ASMTL: variants seen among roughly 807,000 people sequenced by gnomAD.
ASMTL encodes the protein acetylserotonin O-methyltransferase like.
A neutral mutation model predicts 60.3 loss-of-function variants in ASMTL; 57 were observed. The observed-to-expected ratio is 0.95, with a 90% CI of 0.76 to 1.18. ASMTL has a LOEUF of 1.18. Among genes scored for constraint, ASMTL ranks in the 50% most tolerant of loss-of-function variants. ASMTL has a pLI of 0.00. For synonymous variants in ASMTL, 419 were observed against 373.0 expected (o/e 1.12, Z -1.42); for missense variants, 981 against 852.6 (o/e 1.15, Z -1.88).
intron 6 of ASMTL, among the ~76,000 whole-genome samples, chrX:1,431,073 T>G (rs1459056270): frequency 1.6e-5 from 2 of 126,368 alleles, no homozygotes; most frequent in South Asian, 2.4e-4. Flanking sequence ...TATCCATATA[T>G]TCATATATTT....
At chrX:1,449,985 C>T (rs1320384877) in intron 1 of ASMTL, among the ~76,000 whole-genome samples, 6 of 149,186 alleles carry the variant, frequency 4.0e-5, no homozygotes, top group African/African-American at 1.5e-4. Context: ...CCCTCATCAC[C>T]GGTAACTACG....
intron 12 of ASMTL, among the ~76,000 whole-genome samples, chrX:1,404,690 G>A (rs867675641): frequency 1.2e-4 from 17 of 144,734 alleles, no homozygotes; most frequent in African/African-American, 3.4e-4. Context: ...TGATGGGTAG[G>A]TAGATGAATG....
chrX:1,417,406 G>A (rs1361224945), intron 11 of ASMTL, among the ~76,000 whole-genome samples: 8 of 20,280 alleles, frequency 3.9e-4, no homozygotes, highest in Admixed American at 1.2e-3. Flanking sequence ...TTGCAGACAC[G>A]TGGACACACA....
At chrX:1,406,097 T>G (rs2089824361) in intron 12 of ASMTL, among the ~76,000 whole-genome samples, 1 of 142,730 alleles carries the variant, frequency 7.0e-6, no homozygotes, top group African/African-American at 2.6e-5. Flanking sequence ...GATGGGTGAA[T>G]AAATGGGTAG....
chrX:1,405,593 T>C (rs1342068039), intron 12 of ASMTL, among the ~76,000 whole-genome samples: 53 of 149,338 alleles, frequency 3.5e-4, no homozygotes, highest in Non-Finnish European at 6.7e-4. Flanking sequence ...GATGGGTGAA[T>C]AGATGGTAGA....
rs1225223200 is a variant in ASMTL at position 1,426,499 on chromosome X, G to A, written c.898-812C>T. On this transcript the variant is annotated intron_variant, in intron 7 of 12. Transcript: ENST00000381317. ...GCCCTGTGAGGGACCCCTGGTGTTGGGAGGGCTGCATCCCTTCTAGGCTGC... is the reference window on the plus strand; with the variant it reads ...GCCCTGTGAGGGACCCCTGGTGTTGAGAGGGCTGCATCCCTTCTAGGCTGC... Among the ~76,000 whole-genome samples the A allele has an allele frequency of 4.6e-5, 7 of 152,266 alleles. 1 individual carries two copies. Among genetic ancestry groups the A allele is most frequent in the Admixed American group, 6.5e-5 (1 of 15,300 alleles).
intron 11 of ASMTL, among the ~76,000 whole-genome samples, chrX:1,414,563 C>T (rs1479915722): frequency 2.0e-5 from 3 of 152,040 alleles, no homozygotes; most frequent in Admixed American, 1.3e-4. Flanking sequence ...CAAAAGTTAG[C>T]CAGGCGTGGT....
intron 1 of ASMTL, among the ~76,000 whole-genome samples, chrX:1,452,318 C>A (rs1342376965): frequency 6.8e-6 from 1 of 147,246 alleles, no homozygotes; most frequent in African/African-American, 2.5e-5. Flanking sequence ...CATCCCCAAC[C>A]CTGGAGGTCC....
chrX:1,435,820 C>G (rs1179733667), intron 3 of ASMTL, 62 bp from the exon 4 acceptor site: 1 of 1,379,986 alleles, frequency 7.2e-7, no homozygotes, highest in Non-Finnish European at 1.0e-6. Flanking sequence ...TGTGCAAGTC[C>G]CACGGTCCCA....
In ASMTL at chrX:1,452,767, T is replaced by A. The variant is rs1232765791; in HGVS notation, c.74A>T (p.Gln25Leu). Residue 25 changes from glutamine to leucine, a missense_variant, in exon 1 of 13, where the codon CAG becomes CTG. Coordinates refer to ENST00000381317, the MANE Select transcript of ASMTL (RefSeq NM_004192.4). ...CCGTACCGCGTTGCTGAGGATCTCC[T>A]GACGGCGTGGGGAGGCGCTGGCCAG... Reference protein sequence around the residue: ...VVLASASPRRQEILSNAGLRF... With the variant: ...VVLASASPRRLEILSNAGLRF... The A allele has an allele frequency of 1.9e-6, 3 of 1,592,514 alleles. No homozygotes were observed. Among genetic ancestry groups the A allele is most frequent in the Non-Finnish European group, 2.6e-6 (3 of 1,175,350 alleles).
At chrX:1,423,153 C>T (rs1447267293) in intron 8 of ASMTL, among the ~76,000 whole-genome samples, 38 of 152,228 alleles carry the variant, frequency 2.5e-4, no homozygotes, top group Admixed American at 6.5e-4. Flanking sequence ...GGGGTTTCAC[C>T]GTGTTAGCCA....
Position 1,419,078 on chromosome X carries a change from AC to A in ASMTL, c.1281del (p.Arg427SerfsTer9), listed in dbSNP as rs2090400296. 6.2e-7 allele frequency: 1 copy of A among 1,611,090 alleles called. No individual in the cohort carries two copies. Among genetic ancestry groups the A allele is most frequent in the African/African-American group, 1.3e-5 (1 of 74,862 alleles). On this transcript the variant is annotated frameshift_variant, in exon 10 of 13. Coordinates refer to ENST00000381317, the MANE Select transcript of ASMTL (RefSeq NM_004192.4). LOFTEE classifies it high-confidence loss of function. ...AYYQSPETRL[R>X]FMRAMHGMTK... ...GTCATGCCGTGCATGGCCCGCATGAACCTCAGCCGCGTCTCCGGGCTCTGGT... is the reference window on the plus strand; with the variant it reads ...GTCATGCCGTGCATGGCCCGCATGAACTCAGCCGCGTCTCCGGGCTCTGGT...
intron 9 of ASMTL, 28 bp downstream of exon 9, chrX:1,421,630 A>G (rs779638645): frequency 7.4e-6 from 12 of 1,612,876 alleles, no homozygotes; most frequent in Non-Finnish European, 1.0e-5. Flanking sequence ...CGCTAGACGG[A>G]AAGGTGTCCG....
intron 11 of ASMTL, among the ~76,000 whole-genome samples, chrX:1,417,122 T>C (rs1226401562): frequency 1.4e-5 from 2 of 147,864 alleles, no homozygotes; most frequent in Admixed American, 6.8e-5. Context: ...CCCAGACACA[T>C]GCACACAGAC....
At chrX:1,412,994 G>A (rs1489082113) in intron 11 of ASMTL, 140 bp from the exon 12 acceptor site, 3 of 890,754 alleles carry the variant, frequency 3.4e-6, no homozygotes, top group African/African-American at 1.6e-5. Flanking sequence ...TCTTCCTGAA[G>A]TACATCCCCG....
chrX:1,404,994 GTAGA>G (rs1291991581), intron 12 of ASMTL, among the ~76,000 whole-genome samples: 6 of 149,882 alleles, frequency 4.0e-5, no homozygotes, highest in Non-Finnish European at 7.4e-5. Context: ...TGATGGGTAG[GTAGA>G]TGAGTGGATG....
intron 6 of ASMTL, among the ~76,000 whole-genome samples, chrX:1,428,777 T>G (rs1479305355): frequency 1.4e-5 from 2 of 147,908 alleles, no homozygotes; most frequent in African/African-American, 2.5e-5. Context: ...TGTGTGTGTG[T>G]GGGGAGAAGA....
chrX:1,452,655 C>T (rs780156597), intron 1 of ASMTL, 93 bp downstream of exon 1: 3 of 1,055,598 alleles, frequency 2.8e-6, no homozygotes, highest in South Asian at 2.9e-5. Context: ...GTCACTCTCC[C>T]ATCCCTATCC....
chrX:1,426,777 T>C (rs1264587339), intron 7 of ASMTL, among the ~76,000 whole-genome samples: 4 of 152,156 alleles, frequency 2.6e-5, no homozygotes, highest in South Asian at 2.1e-4. Context: ...CCTCTTGAGA[T>C]TCTTAATTAC....
Sources: gnomAD v4.1 joint callset for allele counts (sites outside exome capture counted in the v4.1 genomes callset) on GRCh38, gnomAD v4.1.1 for gene constraint, MANE v1.5 for transcripts, NCBI Gene and HGNC (gene_info 2026-07-23, HGNC 2026-07-21) for gene names.